Variants in RELN observed in about 807,000 individuals in gnomAD.
The protein encoded by RELN is reelin.
Under a neutral mutation model 427.6 loss-of-function variants are expected in RELN, and 108 were observed. The ratio of observed to expected loss-of-function variants is 0.25; its 90% confidence interval spans 0.22 to 0.30. RELN has a LOEUF of 0.30. RELN is among the 10% of genes least tolerant of loss of function. RELN has a pLI of 1.00. For missense variants in RELN, 3,715 were observed against 4,302.8 expected (o/e 0.86, Z 3.82); for synonymous variants, 1,524 against 1,513.4 (o/e 1.01, Z -0.16).
In RELN at chr7:103,840,084, G is replaced by C. The variant is rs142611248; in HGVS notation, c.338-6412C>G. ...TCCACCATGATTGTAAGTTTCCCAA[G>C]GCCTCCCCAGGAGAAGCCTGCACAG... On this transcript the variant is annotated intron_variant, in intron 2 of 64. Transcript: ENST00000428762. Among the ~76,000 whole-genome samples the C allele has an allele frequency of 1.7e-3, 265 of 152,284 alleles. 1 individual carries two copies. Among genetic ancestry groups the C allele is most frequent in the African/African-American group, 6.1e-3 (253 of 41,556 alleles).
chr7:103,949,022 CAAA>C (rs66678362), intron 1 of RELN, among the ~76,000 whole-genome samples: 32,129 of 88,962 alleles, frequency 0.36, 3,827 homozygotes, highest in Non-Finnish European at 0.42. Context: ...ACATTGTCTC[CAAA>C]AAAAAAAAAA....
At chr7:103,483,027 G>A in intron 62 of RELN, 56 bp from the exon 63 acceptor site, 1 of 1,376,240 alleles carries the variant, frequency 7.3e-7, no homozygotes, top group Non-Finnish European at 1.0e-6. Flanking sequence ...GAACTTTTTG[G>A]TATTTGACTT....
intron 19 of RELN, among the ~76,000 whole-genome samples, chr7:103,633,365 AAT>A (rs1485477525): frequency 6.6e-6 from 1 of 152,072 alleles, no homozygotes; most frequent in Non-Finnish European, 1.5e-5. Flanking sequence ...TATCATATAA[AAT>A]ATAATTTGTT....
intron 11 of RELN, among the ~76,000 whole-genome samples, chr7:103,668,372 T>C (rs992039151): frequency 1.3e-5 from 2 of 152,236 alleles, no homozygotes; most frequent in African/African-American, 4.8e-5. Flanking sequence ...AATTTCTCTT[T>C]AATTTCTTGC....
intron 19 of RELN, among the ~76,000 whole-genome samples, chr7:103,634,983 T>C (rs1414535103): frequency 2.0e-5 from 3 of 151,912 alleles, no homozygotes; most frequent in African/African-American, 7.2e-5. Flanking sequence ...CTCAGCCTCC[T>C]GAGTAGCTGG....
chr7:103,739,839 T>G (rs1020904508), intron 6 of RELN, among the ~76,000 whole-genome samples: 2 of 151,898 alleles, frequency 1.3e-5, no homozygotes, highest in Non-Finnish European at 2.9e-5. Context: ...AGGACCAGAG[T>G]TGCACAATTG....
intron 2 of RELN, among the ~76,000 whole-genome samples, chr7:103,887,835 G>T (rs1389205806): frequency 1.3e-5 from 2 of 152,144 alleles, no homozygotes; most frequent in African/African-American, 4.8e-5. Flanking sequence ...AACTGGGGAA[G>T]TTCTTCCATT....
chr7:103,907,414 G>GAAAAAAA (rs1795234328), intron 2 of RELN, among the ~76,000 whole-genome samples: 926 of 39,684 alleles, frequency 0.023, 334 homozygotes, highest in Middle Eastern at 0.053. Flanking sequence ...TCAAGGCTCT[G>GAAAAAAA]GAAAAAAAAA....
chr7:103,747,801 A>T (rs867063253), intron 6 of RELN, among the ~76,000 whole-genome samples: 8 of 152,078 alleles, frequency 5.3e-5, no homozygotes, highest in African/African-American at 1.9e-4. Flanking sequence ...TTAGGAAAAA[A>T]CTTTTTTAAA....
intron 34 of RELN, among the ~76,000 whole-genome samples, chr7:103,564,774 T>C (rs886905846): frequency 2.0e-5 from 3 of 151,992 alleles, no homozygotes; most frequent in African/African-American, 7.3e-5. Flanking sequence ...ATGATCCAAA[T>C]GCCTACACCA....
intron 21 of RELN, 74 bp downstream of exon 21, chr7:103,611,535 AAT>A: frequency 1.1e-6 from 1 of 876,922 alleles, no homozygotes; most frequent in Non-Finnish European, 1.7e-6. Flanking sequence ...CTAGAACTGT[AAT>A]TTTTTTTTTT....
In RELN at chr7:103,697,996, G is replaced by C. The variant is rs777631168; in HGVS notation, c.1000C>G (p.Arg334Gly). 6.2e-7 allele frequency: 1 copy of C among 1,613,670 alleles called. No individual in the cohort carries two copies. The highest frequency in any genetic ancestry group is 8.5e-7 in the Non-Finnish European group (1 of 1,179,834). The change falls in exon 10 of 65, where the codon CGT (arginine) becomes GGT (glycine). Residue 334 changes from arginine (R) to glycine (G), a missense_variant. This residue lies in a region of RELN where 2,208 missense variants were observed against 2,361.7 expected (regional missense o/e 0.93). Coordinates refer to ENST00000428762, the MANE Select transcript of RELN (RefSeq NM_005045.4). ...VQFQWKQENL[R>G]VGEVYEACWA... ...CAGGCTTCATACACTTCACCTACAC[G>C]AAGATTTTCCTGCTTCCACTGAAAT... is the stretch of plus-strand genomic sequence containing the variant.
In RELN at chr7:103,551,360, C is replaced by T. The variant is rs1830407353; in HGVS notation, c.6073-64G>A. ...AGCAACAAGCCTTGAAATGATTCAC[C>T]ACTTCATTATTTTCTAGGGTCCATT... On this transcript the variant is annotated intron_variant, in intron 40 of 64. Coordinates refer to ENST00000428762, the MANE Select transcript of RELN (RefSeq NM_005045.4). The T allele has an allele frequency of 6.2e-6, 7 of 1,128,644 alleles. No homozygotes were observed. In the East Asian group the frequency reaches 7.6e-5, roughly 12 times the overall value. 69.9% of individuals were successfully genotyped at this position (1,128,644 alleles called of 1,614,324 possible). A position where few individuals can be genotyped will look rare whatever the true frequency, so the allele number is the denominator to read the frequency against.
intron 2 of RELN, among the ~76,000 whole-genome samples, chr7:103,846,650 G>A (rs1793684951): frequency 6.6e-6 from 1 of 152,106 alleles, no homozygotes; most frequent in Admixed American, 6.6e-5. Flanking sequence ...AACCTACAAA[G>A]TGTGAGAAAA....
chr7:103,665,362 GTATATATA>G lies in RELN; in HGVS notation c.1290-3843_1290-3836del, dbSNP rs781583835. Among the ~76,000 whole-genome samples the G allele has an allele frequency of 7.0e-3, 639 of 91,000 alleles. 5 individuals are homozygous for G. Among genetic ancestry groups the G allele is most frequent in the African/African-American group, 0.025 (614 of 24,720 alleles). The allele number at this position is 91,000 out of a possible 152,430, so 59.7% of individuals were successfully genotyped here. A position where few individuals can be genotyped will look rare whatever the true frequency, so the allele number is the denominator to read the frequency against. Reference sequence around the variant, plus strand: ...GGTGTGTGTGTGTGTGTGTGTGTGTGTATATATATATATATATATAAAATCTGTATATG... The same window carrying G: ...GGTGTGTGTGTGTGTGTGTGTGTGTGTATATATATATAAAATCTGTATATG... On this transcript the variant is annotated intron_variant, in intron 11 of 64. Transcript: ENST00000428762.
chr7:103,738,769 G>GCCT (rs765583466), intron 6 of RELN, among the ~76,000 whole-genome samples: 10 of 127,036 alleles, frequency 7.9e-5, no homozygotes, highest in Non-Finnish European at 1.3e-4. Context: ...TGCAACCTCC[G>GCCT]CCTCCTGGGT....
chr7:103,735,645 T>C (rs2115978263), intron 6 of RELN, among the ~76,000 whole-genome samples: 1 of 152,310 alleles, frequency 6.6e-6, no homozygotes, highest in East Asian at 1.9e-4. Flanking sequence ...GACTCATTCT[T>C]TTTAGATCAC....
rs577266166 is a variant in RELN at position 103,847,856 on chromosome 7, A to G, written c.338-14184T>C. ...GGAAGTTGGGTTGTGAATTAAACAC[A>G]CAAGAGAGCAGGTCACAGGAGCAGG... is the stretch of plus-strand genomic sequence containing the variant. On this transcript the variant is annotated intron_variant, in intron 2 of 64. Coordinates refer to ENST00000428762, the MANE Select transcript of RELN (RefSeq NM_005045.4). Among the ~76,000 whole-genome samples the G allele has an allele frequency of 2.6e-5, 4 of 152,370 alleles. No individual in the cohort carries two copies. The East Asian group carries it at 7.7e-4, about 29-fold the overall frequency.
At chr7:103,857,618 T>C (rs1157137825) in intron 2 of RELN, among the ~76,000 whole-genome samples, 3 of 152,170 alleles carry the variant, frequency 2.0e-5, no homozygotes, top group Non-Finnish European at 4.4e-5. Flanking sequence ...TGCCTGCATA[T>C]GGTGAGTATG....
Sources: allele counts gnomAD v4.1 joint callset (sites outside exome capture counted in the v4.1 genomes callset), GRCh38; gene constraint gnomAD v4.1.1; regional missense constraint gnomAD v4.1.1; transcripts MANE v1.5; gene names NCBI Gene and HGNC (gene_info 2026-07-23, HGNC 2026-07-21).